MYO16: variants seen among roughly 807,000 people sequenced by gnomAD.
MYO16 encodes the protein myosin XVI.
In MYO16, 94 loss-of-function variants were observed where a neutral mutation model predicts 205.3. The observed-to-expected ratio is 0.46, with a 90% CI of 0.39 to 0.54. The LOEUF is 0.54. Among genes scored for constraint, MYO16 ranks in the 20% least tolerant of loss-of-function variants. The probability of loss-of-function intolerance (pLI) is 0.00; values close to 1 mark genes in which losing one functional copy is unlikely to be tolerated. For missense variants in MYO16, 2,315 were observed against 2,387.5 expected, an observed-to-expected ratio of 0.97 and a Z score of 0.63; for synonymous variants, 988 against 954.0, an observed-to-expected ratio of 1.04 and a Z score of -0.66.
chr13:108,706,478 C>G (rs947205402), intron 2 of MYO16, among the ~76,000 whole-genome samples: 5 of 152,108 alleles, frequency 3.3e-5, no homozygotes, highest in African/African-American at 1.2e-4. Context: ...AGAACAAATT[C>G]AAGATATTTA....
chr13:109,058,090 G>C (rs983460819), intron 27 of MYO16, among the ~76,000 whole-genome samples: 1 of 152,058 alleles, frequency 6.6e-6, no homozygotes, highest in East Asian at 1.9e-4. Flanking sequence ...TAGGTCTAGC[G>C]GAGGCCTGTG....
the MYO16 span, among the ~76,000 whole-genome samples, chr13:108,500,296 C>T: frequency 7.5e-6 from 1 of 134,178 alleles, no homozygotes; most frequent in Non-Finnish European, 1.5e-5. Flanking sequence ...GTGGCACAAT[C>T]TCATCTCACT....
chr13:109,022,572 T>A (rs1886100313), intron 23 of MYO16, among the ~76,000 whole-genome samples: 1 of 125,116 alleles, frequency 8.0e-6, no homozygotes, highest in African/African-American at 2.7e-5. Context: ...CATACACATA[T>A]AAACATATGT....
Position 108,629,621 on chromosome 13 carries a change from C to T in MYO16, c.-224C>T. 1 of 501,534 alleles carries T rather than the reference C, an allele frequency of 2.0e-6. No individual in the cohort carries two copies. The highest frequency in any genetic ancestry group is 3.6e-6 in the Non-Finnish European group (1 of 276,812). 31.1% of individuals were successfully genotyped at this position (501,534 alleles called of 1,614,324 possible). ...TACAATAGCACGTGCACCAGTGGTG[C>T]CTCAAGACCCACCGGGGAGAGGCTT... On this transcript the variant is annotated 5_prime_UTR_variant, in exon 1 of 35. Transcript: ENST00000457511.
chr13:108,802,912 T>C (rs1364968331), intron 6 of MYO16, among the ~76,000 whole-genome samples: 1 of 152,222 alleles, frequency 6.6e-6, no homozygotes, highest in Non-Finnish European at 1.5e-5. Flanking sequence ...CATTTTTAAA[T>C]TGGGTTATTT....
At chr13:109,186,885 C>A (rs2146978) in intron 34 of MYO16, among the ~76,000 whole-genome samples, 28,671 of 152,138 alleles carry the variant, frequency 0.19, 2,920 homozygotes, top group East Asian at 0.27. Flanking sequence ...CCCAAGATTC[C>A]CCTAGAAATG....
At position 109,140,850 on chromosome 13, in the gene MYO16, C is replaced by T; in HGVS notation, c.4638C>T (p.Thr1546=). ...LEVKKLPVLE[T]NLKYPVQPEG... ...TGAAGAAGCTGCCAGTCCTGGAGAC[C>T]AACCTCAAGTACCCCGTGCAGCCGG... Residue 1546 remains threonine (T), a synonymous_variant, in exon 32 of 35, where the codon ACC becomes ACT. Coordinates refer to ENST00000457511, the MANE Select transcript of MYO16 (RefSeq NM_001198950.3). This position sits in a 1 kb window ranked among gnomAD's most constrained non-coding sequence, Gnocchi z 8.0. The T allele has an allele frequency of 6.3e-7, 1 of 1,598,126 alleles. No homozygotes were observed. The highest frequency in any genetic ancestry group is 8.5e-7 in the Non-Finnish European group (1 of 1,173,814).
At chr13:108,506,742 G>A in the MYO16 span, among the ~76,000 whole-genome samples, 1 of 152,088 alleles carries the variant, frequency 6.6e-6, no homozygotes, top group Admixed American at 6.5e-5. Context: ...GCAAGAGTGG[G>A]CATCTTGCCT....
intron 24 of MYO16, among the ~76,000 whole-genome samples, chr13:109,050,865 CTT>C (rs79977044): frequency 0.036 from 5,211 of 144,238 alleles, 127 homozygotes; most frequent in South Asian, 0.06. Context: ...AGTCTCTTGA[CTT>C]TTTTTTTTTT....
Position 109,055,638 on chromosome 13 carries a change from C to T in MYO16, c.3335+43C>T. ...TAAAATCGTCGTTCTCGCTGCTGTTCAGTGCAGTGTACTGACACTGACACT... is the reference window on the plus strand; with the variant it reads ...TAAAATCGTCGTTCTCGCTGCTGTTTAGTGCAGTGTACTGACACTGACACT... On this transcript the variant is annotated intron_variant, in intron 27 of 34. Coordinates refer to ENST00000457511, the MANE Select transcript of MYO16 (RefSeq NM_001198950.3). This position sits in a 1 kb window ranked among gnomAD's most constrained non-coding sequence, Gnocchi z 5.0. 2 of 1,527,310 alleles carry T rather than the reference C, an allele frequency of 1.3e-6. No homozygotes were observed. Among genetic ancestry groups the T allele is most frequent in the Non-Finnish European group, 1.8e-6 (2 of 1,113,074 alleles). The allele number at this position is 1,527,310 out of a possible 1,614,324, so 94.6% of individuals were successfully genotyped here.
chr13:108,849,123 A>G (rs981670570), intron 10 of MYO16, among the ~76,000 whole-genome samples: 2 of 152,210 alleles, frequency 1.3e-5, no homozygotes, highest in African/African-American at 2.4e-5. Flanking sequence ...TATGTGTCAC[A>G]TGATCACCCT....
In MYO16 at chr13:109,141,271, T is replaced by G; in HGVS notation, c.5059T>G (p.Ser1687Ala). The change falls in exon 32 of 35, where the codon TCC becomes GCC. Residue 1687 changes from serine (S) to alanine (A), a missense_variant. Ser to Ala is a moderately conservative substitution (Grantham distance 99). Around this residue, in one of 3 missense-constraint regions of MYO16, gnomAD observed 1,097 missense variants for 1,092.0 expected, o/e 1.00. Coordinates refer to ENST00000457511, the MANE Select transcript of MYO16 (RefSeq NM_001198950.3). The surrounding 1 kb of genome is among the most constrained non-coding windows in gnomAD (Gnocchi z 4.1). ...CCCCGCGCCCTACAGCCCTCCCAGC[T>G]CCAGGCCTCTCAGCAGCCCCCTGGA... ...SPPAPYSPPS[S>A]RPLSSPLDEL... 6.2e-7 allele frequency: 1 copy of G among 1,602,156 alleles called. No homozygotes were observed. The highest frequency in any genetic ancestry group is 8.5e-7 in the Non-Finnish European group (1 of 1,174,708).
chr13:108,641,493 C>A (rs1166886688), intron 1 of MYO16, among the ~76,000 whole-genome samples: 1 of 152,070 alleles, frequency 6.6e-6, no homozygotes, highest in African/African-American at 2.4e-5. Flanking sequence ...AGTGGGCCAG[C>A]AACAAATATA....
intron 9 of MYO16, among the ~76,000 whole-genome samples, chr13:108,830,553 T>G (rs2139039384): frequency 7.2e-6 from 1 of 139,014 alleles, no homozygotes; most frequent in South Asian, 2.3e-4. Context: ...AGGTGGGAAT[T>G]GAACAATGAG....
intron 1 of MYO16, among the ~76,000 whole-genome samples, chr13:108,600,456 T>G (rs2139298577): frequency 6.6e-6 from 1 of 152,310 alleles, no homozygotes; most frequent in South Asian, 2.1e-4. Flanking sequence ...CTTTCCTTTG[T>G]TAACATTGTA....
chr13:109,031,446 TA>T (rs1886544967), intron 23 of MYO16, among the ~76,000 whole-genome samples: 4 of 152,330 alleles, frequency 2.6e-5, no homozygotes, highest in African/African-American at 9.6e-5. Flanking sequence ...TCTTCAAAGT[TA>T]AATGTGATTA....
At position 108,846,908 on chromosome 13, in the gene MYO16, A is replaced by C. The variant is rs1041268075; in HGVS notation, c.1248+2415A>C. Among the ~76,000 whole-genome samples the C allele has an allele frequency of 2.6e-5, 4 of 152,298 alleles. No homozygotes were observed. In the South Asian group the frequency reaches 8.3e-4, roughly 32 times the overall value. ...TATTGATATGGCATGACTTTTAGTCAATGTGTATATGTGAAATTATTGTAC... is the reference window on the plus strand; with the variant it reads ...TATTGATATGGCATGACTTTTAGTCCATGTGTATATGTGAAATTATTGTAC... On this transcript the variant is annotated intron_variant, in intron 10 of 34. Transcript: ENST00000457511.
At position 108,814,328 on chromosome 13, in the gene MYO16, A is replaced by AT. The variant is rs1887384047; in HGVS notation, c.868-6009_868-6008insT. Among the ~76,000 whole-genome samples the AT allele has an allele frequency of 3.3e-5, 5 of 151,986 alleles. No homozygotes were observed. In the South Asian group the frequency reaches 1.0e-3, roughly 32 times the overall value. ...CAAAGGCAATCTTAACTAATTTTTG[A>AT]CTTTCATTGTTTTTCTTTTCTTTCT... On this transcript the variant is annotated intron_variant, in intron 7 of 34. Coordinates refer to ENST00000457511, the MANE Select transcript of MYO16 (RefSeq NM_001198950.3).
At chr13:108,850,812 C>T (rs1210347377) in intron 10 of MYO16, among the ~76,000 whole-genome samples, 1 of 152,190 alleles carries the variant, frequency 6.6e-6, no homozygotes, top group Non-Finnish European at 1.5e-5. Context: ...CACACTGGCT[C>T]TGCCCCACTG....
Sources: gnomAD v4.1 joint callset for allele counts (sites outside exome capture counted in the v4.1 genomes callset) on GRCh38, gnomAD v4.1.1 for gene constraint, gnomAD v4.1.1 regional missense constraint, Gnocchi (gnomAD v3.1) non-coding constraint, MANE v1.5 for transcripts, NCBI Gene and HGNC (gene_info 2026-07-23, HGNC 2026-07-21) for gene names.